Variants in ROBO2 observed in about 807,000 individuals in gnomAD.
ROBO2 encodes roundabout homolog 2.
A neutral mutation model predicts 160.8 loss-of-function variants in ROBO2; 53 were observed. The observed-to-expected ratio is 0.33, with a 90% CI of 0.26 to 0.41. The LOEUF (loss-of-function observed/expected upper bound fraction) is 0.41. Ranked by LOEUF, ROBO2 falls within the 10% of genes least tolerant of loss-of-function variation. The pLI is 1.00. For synonymous variants in ROBO2, 664 were observed against 611.7 expected, an observed-to-expected ratio of 1.09 and a Z score of -1.26; for missense variants, 1,577 against 1,722.4, an observed-to-expected ratio of 0.92 and a Z score of 1.49.
chr3:76,131,321 A>C (rs1017846384), intron 2 of ROBO2, among the ~76,000 whole-genome samples: 4 of 152,162 alleles, frequency 2.6e-5, no homozygotes, highest in Non-Finnish European at 2.9e-5. Context: ...CTTGTTTTAT[A>C]ATCAGAAAGG....
chr3:76,992,225 T>TCATG (rs1446780606), intron 2 of ROBO2, among the ~76,000 whole-genome samples: 3 of 151,126 alleles, frequency 2.0e-5, no homozygotes, highest in Non-Finnish European at 4.4e-5. Flanking sequence ...AACATGAGAC[T>TCATG]CATGGCAGCA....
intron 2 of ROBO2, among the ~76,000 whole-genome samples, chr3:76,838,287 C>A (rs1436591098): frequency 6.6e-6 from 1 of 152,000 alleles, no homozygotes; most frequent in African/African-American, 2.4e-5. Flanking sequence ...GGGTATTGGC[C>A]TTAATTCCTG....
At chr3:76,202,983 A>G (rs1702609858) in intron 2 of ROBO2, among the ~76,000 whole-genome samples, 1 of 151,320 alleles carries the variant, frequency 6.6e-6, no homozygotes, top group Admixed American at 6.6e-5. Flanking sequence ...ATGAGTCCAA[A>G]CTGGATCACA....
chr3:77,531,385 C>G (rs2153634991), intron 6 of ROBO2, among the ~76,000 whole-genome samples: 1 of 114,526 alleles, frequency 8.7e-6, no homozygotes, highest in South Asian at 3.1e-4. Flanking sequence ...CTACTCTAAA[C>G]AGAAATCTAC....
chr3:76,664,499 C>T (rs889163380), intron 2 of ROBO2, among the ~76,000 whole-genome samples: 2 of 152,116 alleles, frequency 1.3e-5, no homozygotes, highest in African/African-American at 4.8e-5. Flanking sequence ...TAGGAAACGT[C>T]CAGAGGGCTT....
intron 2 of ROBO2, among the ~76,000 whole-genome samples, chr3:76,495,302 G>A (rs1194008288): frequency 6.7e-6 from 1 of 148,994 alleles, no homozygotes; most frequent in Non-Finnish European, 1.5e-5. Flanking sequence ...ATGTTTTATT[G>A]GTTAATTAAT....
chr3:76,205,188 A>C (rs796985145), intron 2 of ROBO2, among the ~76,000 whole-genome samples: 2 of 152,178 alleles, frequency 1.3e-5, no homozygotes, highest in Non-Finnish European at 2.9e-5. Context: ...GGATTAAATG[A>C]GACAAAGTCT....
intron 2 of ROBO2, among the ~76,000 whole-genome samples, chr3:76,392,187 A>G (rs907280713): frequency 7.9e-5 from 12 of 152,334 alleles, no homozygotes; most frequent in African/African-American, 2.9e-4. Flanking sequence ...TTAATTATAA[A>G]TTAGAAAATT....
chr3:77,476,465 A>C (rs34557441), intron 2 of ROBO2, among the ~76,000 whole-genome samples: 26,371 of 151,974 alleles, frequency 0.17, 2,394 homozygotes, highest in South Asian at 0.24. Context: ...GGAATGTCCA[A>C]GAACAGAAAT....
At chr3:77,498,071 G>C (rs973728237) in intron 5 of ROBO2, among the ~76,000 whole-genome samples, 1 of 152,240 alleles carries the variant, frequency 6.6e-6, no homozygotes, top group African/African-American at 2.4e-5. Flanking sequence ...CATGTCAGCA[G>C]AGTTTGTATT....
chr3:76,398,725 A>T (rs1226326022), intron 2 of ROBO2, among the ~76,000 whole-genome samples: 1 of 151,824 alleles, frequency 6.6e-6, no homozygotes, highest in Non-Finnish European at 1.5e-5. Flanking sequence ...TAAACTAAAT[A>T]TACTATTAAG....
intron 2 of ROBO2, among the ~76,000 whole-genome samples, chr3:76,033,778 T>G (rs1352505): frequency 0.29 from 44,014 of 152,030 alleles, 9,306 homozygotes; most frequent in African/African-American, 0.6. Context: ...TTCACACGTG[T>G]GGCATGGGTA....
intron 2 of ROBO2, among the ~76,000 whole-genome samples, chr3:76,771,311 G>A (rs927096988): frequency 2.6e-5 from 4 of 151,202 alleles, no homozygotes; most frequent in African/African-American, 9.7e-5. Context: ...AGGATCTATT[G>A]TTAAAATTAA....
chr3:76,322,697 A>G (rs146033826), intron 2 of ROBO2, among the ~76,000 whole-genome samples: 2,619 of 152,276 alleles, frequency 0.017, 66 homozygotes, highest in African/African-American at 0.059. Flanking sequence ...ACTTTAATTC[A>G]CTTTCAGTTA....
intron 21 of ROBO2, among the ~76,000 whole-genome samples, chr3:77,610,410 G>T (rs1583266056): frequency 2.6e-5 from 4 of 152,028 alleles, no homozygotes; most frequent in African/African-American, 9.6e-5. Context: ...ACACAATTTT[G>T]TATGATAAGC....
chr3:75,928,791 G>C (rs1947394148), intron 1 of ROBO2, among the ~76,000 whole-genome samples: 1 of 151,638 alleles, frequency 6.6e-6, no homozygotes. Flanking sequence ...GTGTGAGATA[G>C]CTGATGATTA....
chr3:76,158,700 T>C (rs527592265), intron 2 of ROBO2, among the ~76,000 whole-genome samples: 248 of 152,232 alleles, frequency 1.6e-3, no homozygotes, highest in Middle Eastern at 6.8e-3. Context: ...AGCCCTGCAT[T>C]GTCCCGCTTC....
intron 2 of ROBO2, among the ~76,000 whole-genome samples, chr3:76,217,813 G>A (rs977256130): frequency 5.3e-5 from 8 of 152,172 alleles, no homozygotes; most frequent in Non-Finnish European, 8.8e-5. Context: ...CTCATTTTAT[G>A]AGGCCAGCAT....
At chr3:76,564,258 A>G (rs1006971743) in intron 2 of ROBO2, among the ~76,000 whole-genome samples, 1 of 152,246 alleles carries the variant, frequency 6.6e-6, no homozygotes, top group African/African-American at 2.4e-5. Context: ...TGCTCCTTAC[A>G]GTTTCCAAAG....
Sources: allele counts gnomAD v4.1 joint callset (sites outside exome capture counted in the v4.1 genomes callset), GRCh38; gene constraint gnomAD v4.1.1; transcripts MANE v1.5; gene names NCBI Gene and HGNC (gene_info 2026-07-23, HGNC 2026-07-21).